The following PAX7 variants were observed in gnomAD, a reference collection of about 807,000 sequenced individuals.
The protein encoded by PAX7 is paired box protein Pax-7.
In PAX7, 18 loss-of-function variants were observed where a neutral mutation model predicts 50.7. That is an observed-to-expected ratio of 0.36 (90% CI 0.25 to 0.53). PAX7 has a LOEUF of 0.53. PAX7 is among the 20% of genes least tolerant of loss of function. PAX7 has a pLI of 0.93. For synonymous variants in PAX7, 310 were observed against 290.4 expected, an observed-to-expected ratio of 1.07 and a Z score of -0.69; for missense variants, 644 against 702.9, an observed-to-expected ratio of 0.92 and a Z score of 0.95.
At chr1:18,710,927 G>A (rs1356021614) in intron 7 of PAX7, among the ~76,000 whole-genome samples, 4 of 152,134 alleles carry the variant, frequency 2.6e-5, no homozygotes, top group Admixed American at 6.5e-5. Context: ...TCATTTCTCC[G>A]GCTTAGCAGG....
At chr1:18,678,547 C>T (rs1325688233) in intron 4 of PAX7, among the ~76,000 whole-genome samples, 1 of 152,128 alleles carries the variant, frequency 6.6e-6, no homozygotes, top group East Asian at 1.9e-4. Flanking sequence ...CCATCTCTAC[C>T]CTGAGCTGTC....
Position 18,735,490 on chromosome 1 carries a change from C to T in PAX7, c.1156-142C>T. On this transcript the variant is annotated intron_variant, in intron 7 of 8. Transcript: ENST00000420770. The surrounding 1 kb of genome is among the most constrained non-coding windows in gnomAD (Gnocchi z 4.0). ...CATGAGGGCACGCAAATCAGGTAAA[C>T]TGAGGACCTCGAAGCTACAGAGACT... 7.0e-7 allele frequency: 1 copy of T among 1,436,914 alleles called. No individual in the cohort carries two copies. The highest frequency in any genetic ancestry group is 1.4e-5 in the African/African-American group (1 of 69,798). 89.0% of individuals were successfully genotyped at this position (1,436,914 alleles called of 1,614,324 possible). A position where few individuals can be genotyped will look rare whatever the true frequency, so the allele number is the denominator to read the frequency against.
chr1:18,701,154 G>A (rs2089214678), intron 6 of PAX7, among the ~76,000 whole-genome samples: 1 of 152,184 alleles, frequency 6.6e-6, no homozygotes, highest in South Asian at 2.1e-4. Flanking sequence ...CAAGCTGGTG[G>A]AGCATGGACC....
intron 4 of PAX7, among the ~76,000 whole-genome samples, chr1:18,656,690 TA>T (rs911821195): frequency 1.7e-4 from 25 of 149,068 alleles, no homozygotes; most frequent in African/African-American, 2.0e-4. Flanking sequence ...AATGCATGCA[TA>T]AAAAAAAGGG....
rs761526778 is a variant in PAX7 at position 18,735,740 on chromosome 1, A to C, written c.1264A>C (p.Ser422Arg). ...GLDSATSISA[S>R]CSQRADSIKP... is the part of the protein sequence containing the mutation. ...GGACTCGGCCACCTCCATCTCAGCC[A>C]GCTGCAGCCAGCGGGCCGACTCCAT... Residue 422 changes from serine to arginine, a missense_variant, in exon 8 of 9, where the codon AGC (serine) becomes CGC (arginine). Transcript: ENST00000420770. This position sits in a 1 kb window ranked among gnomAD's most constrained non-coding sequence, Gnocchi z 4.0. 3.7e-6 allele frequency: 6 copies of C among 1,613,928 alleles called. No individual in the cohort carries two copies. In the South Asian group the frequency reaches 5.5e-5, roughly 15 times the overall value.
chr1:18,728,186 G>A (rs1354103230), intron 7 of PAX7, among the ~76,000 whole-genome samples: 1 of 152,184 alleles, frequency 6.6e-6, no homozygotes, highest in Admixed American at 6.5e-5. Flanking sequence ...GCTGACGAAG[G>A]CGGAGTTGTG....
At chr1:18,681,732 T>TTTATTTTATTTTATTTTATTTTATG (rs1557527120) in intron 4 of PAX7, among the ~76,000 whole-genome samples, 64 of 144,280 alleles carry the variant, frequency 4.4e-4, no homozygotes, top group Admixed American at 2.1e-3. Flanking sequence ...TTTATTTTAT[T>TTTATTTTATTTTATTTTATTTTATG]TTATTTTATT....
rs1212161853 is a variant in PAX7 at position 18,703,167 on chromosome 1, G to A, written c.1026G>A (p.Ala342=). The change falls in exon 7 of 9, where the codon GCG becomes GCA. Residue 342 remains alanine (A), a synonymous_variant. Coordinates refer to ENST00000420770, the MANE Select transcript of PAX7 (RefSeq NM_001135254.2). ...TGCACCAGGGCGGGCTGGCTGCAGCGGCTGCAGCCGCCGACACCAGCTCTG... is the reference window on the plus strand; with the variant it reads ...TGCACCAGGGCGGGCTGGCTGCAGCAGCTGCAGCCGCCGACACCAGCTCTG... ...STMHQGGLAA[A]AAAADTSSAY... is the part of the protein sequence containing the mutation. The A allele has an allele frequency of 6.2e-7, 1 of 1,611,656 alleles. No individual in the cohort carries two copies. The highest frequency in any genetic ancestry group is 8.5e-7 in the Non-Finnish European group (1 of 1,179,500).
rs144149656 is a variant in PAX7 at position 18,736,000 on chromosome 1, G to A, written c.1402+122G>A. ...GGTGGGGAATGTCCATTTCACAGAT[G>A]GAAAAATTGAAGTCCAGCCAGATGG... is the stretch of plus-strand genomic sequence containing the variant. On this transcript the variant is annotated intron_variant, in intron 8 of 8. Transcript: ENST00000420770. The surrounding 1 kb of genome is among the most constrained non-coding windows in gnomAD (Gnocchi z 4.0). 1.6e-4 allele frequency: 254 copies of A among 1,608,424 alleles called. No homozygotes were observed. In the African/African-American group the frequency reaches 2.9e-3, roughly 18 times the overall value.
intron 4 of PAX7, among the ~76,000 whole-genome samples, chr1:18,658,050 T>C (rs1201361566): frequency 6.6e-6 from 1 of 152,170 alleles, no homozygotes; most frequent in Non-Finnish European, 1.5e-5. Flanking sequence ...AGACAACAGC[T>C]TGTTAAAAGG....
rs1270985412 is a variant in PAX7 at position 18,748,505 on chromosome 1, A to G, written c.*3576A>G. On this transcript the variant is annotated 3_prime_UTR_variant, in exon 9 of 9. Transcript: ENST00000420770. ...TTGAAACGCTCTGAGACTTCTGTGT[A>G]TTTGATGCTTCTTCAAGTCAGCTCT... 1.3e-5 allele frequency: 3 copies of G among 231,466 alleles called. No homozygotes were observed. The highest frequency in any genetic ancestry group is 1.3e-3 in the Middle Eastern group (1 of 796). 14.3% of individuals were successfully genotyped at this position (231,466 alleles called of 1,614,324 possible).
intron 7 of PAX7, among the ~76,000 whole-genome samples, chr1:18,733,929 G>A (rs1261267780): frequency 1.3e-5 from 2 of 152,130 alleles, no homozygotes; most frequent in Admixed American, 6.5e-5. Flanking sequence ...GGGCATCCTA[G>A]CTTTGCCCCA....
rs183843828 is a variant in PAX7 at position 18,653,388 on chromosome 1, C to T, written c.586+17017C>T. 1.9e-3 allele frequency among the ~76,000 whole-genome samples: 284 copies of T among 152,166 alleles called. 1 individual carries two copies. The highest frequency in any genetic ancestry group is 0.011 in the South Asian group (51 of 4,826). On this transcript the variant is annotated intron_variant, in intron 4 of 8. Transcript: ENST00000420770. ...GTTGTTGTTGCAACGGTGCTGTGTA[C>T]GCACGGTTACAGTGGATCAAATTTG... is the stretch of plus-strand genomic sequence containing the variant.
At chr1:18,738,856 G>A (rs980839499) in intron 8 of PAX7, among the ~76,000 whole-genome samples, 27 of 152,118 alleles carry the variant, frequency 1.8e-4, no homozygotes, top group African/African-American at 6.3e-4. Flanking sequence ...TGGAGGCCAC[G>A]AATTAGACTT....
At chr1:18,682,484 G>A (rs1037183487) in intron 4 of PAX7, among the ~76,000 whole-genome samples, 2 of 152,182 alleles carry the variant, frequency 1.3e-5, no homozygotes, top group African/African-American at 4.8e-5. Context: ...AGCAAGAAGT[G>A]TTCTCCCTGG....
chr1:18,729,191 A>G (rs186150675), intron 7 of PAX7, among the ~76,000 whole-genome samples: 1 of 152,360 alleles, frequency 6.6e-6, no homozygotes, highest in East Asian at 1.9e-4. Context: ...ATGGGAACAG[A>G]GGGCTCTGAA....
intron 8 of PAX7, among the ~76,000 whole-genome samples, chr1:18,737,305 C>T (rs565506056): frequency 2.0e-5 from 3 of 152,370 alleles, no homozygotes; most frequent in East Asian, 3.9e-4. Flanking sequence ...CTGGGCCAGC[C>T]TTTCTGACCT....
intron 7 of PAX7, among the ~76,000 whole-genome samples, chr1:18,734,336 C>T (rs1263146640): frequency 6.6e-6 from 1 of 152,116 alleles, no homozygotes; most frequent in Admixed American, 6.5e-5. Flanking sequence ...GCGGCATCAC[C>T]AGGAGGTCAT....
rs1019402269 is a variant in PAX7, at chr1:18,675,733, C to T, written c.587-16021C>T. Among the ~76,000 whole-genome samples the T allele has an allele frequency of 5.3e-5, 8 of 152,188 alleles. No homozygotes were observed. The East Asian group carries it at 5.8e-4, about 11-fold the overall frequency. On this transcript the variant is annotated intron_variant, in intron 4 of 8. Coordinates refer to ENST00000420770, the MANE Select transcript of PAX7 (RefSeq NM_001135254.2). ...CGCAGCTCTCATAACTAGCTCAGAACGGGGCTCATACCTGTGTTCGACCCC... is the reference window on the plus strand; with the variant it reads ...CGCAGCTCTCATAACTAGCTCAGAATGGGGCTCATACCTGTGTTCGACCCC...
Sources: allele counts gnomAD v4.1 joint callset (sites outside exome capture counted in the v4.1 genomes callset), GRCh38; gene constraint gnomAD v4.1.1; non-coding constraint Gnocchi (gnomAD v3.1); transcripts MANE v1.5; gene names NCBI Gene and HGNC (gene_info 2026-07-23, HGNC 2026-07-21).